Variants in YTHDF1 observed in about 807,000 individuals in gnomAD.
YTHDF1 encodes YTH domain-containing family protein 1.
A neutral mutation model predicts 49.1 loss-of-function variants in YTHDF1; 16 were observed. The observed-to-expected ratio is 0.33, with a 90% CI of 0.22 to 0.49. YTHDF1 has a LOEUF of 0.49. Among genes scored for constraint, YTHDF1 ranks in the 20% least tolerant of loss-of-function variants. The pLI, the probability that YTHDF1 is intolerant of heterozygous loss-of-function variation, is 0.99. For synonymous variants in YTHDF1, 313 were observed against 290.1 expected, an observed-to-expected ratio of 1.08 and a Z score of -0.80; for missense variants, 621 against 744.3, an observed-to-expected ratio of 0.83 and a Z score of 1.93.
Position 63,203,442 on chromosome 20 carries a change from C to G in YTHDF1, c.498G>C (p.Gln166His). The change falls in exon 4 of 5, where the codon CAG (glutamine) becomes CAC (histidine). Residue 166 changes from glutamine (Q) to histidine (H), a missense_variant. This residue lies in a region of YTHDF1 where 470 missense variants were observed against 495.8 expected (regional missense o/e 0.95). Coordinates refer to ENST00000370339, the MANE Select transcript of YTHDF1 (RefSeq NM_017798.4). The surrounding 1 kb of genome is among the most constrained non-coding windows in gnomAD (Gnocchi z 4.4). ...SSLGGTVVDG[Q>H]PGFHSDTLSK... ...TGAGGGTGTCGCTGTGAAAGCCTGGCTGCCCATCAACCACCGTGCCACCCA... is the reference window on the plus strand; with the variant it reads ...TGAGGGTGTCGCTGTGAAAGCCTGGGTGCCCATCAACCACCGTGCCACCCA... 2 of 1,612,638 alleles carry G rather than the reference C, an allele frequency of 1.2e-6. No individual in the cohort carries two copies. The highest frequency in any genetic ancestry group is 1.7e-6 in the Non-Finnish European group (2 of 1,179,492).
intron 4 of YTHDF1, among the ~76,000 whole-genome samples, chr20:63,197,976 G>A (rs920843863): frequency 3.3e-5 from 5 of 152,118 alleles, no homozygotes; most frequent in African/African-American, 1.2e-4. Flanking sequence ...AAGCAGATGT[G>A]GTGTTCCCTG....
intron 2 of YTHDF1, among the ~76,000 whole-genome samples, chr20:63,214,938 T>C (rs1392674924): frequency 2.0e-5 from 3 of 152,210 alleles, no homozygotes; most frequent in Admixed American, 6.5e-5. Flanking sequence ...TTTACACCAC[T>C]TACCTTCCCA....
At chr20:63,215,644 G>T in intron 1 of YTHDF1, 43 bp from the exon 2 acceptor site, 1 of 1,581,614 alleles carries the variant, frequency 6.3e-7, no homozygotes, top group South Asian at 1.1e-5. Context: ...CACAACCCGG[G>T]GGAAGAGGGA....
In YTHDF1 at chr20:63,203,486, T is replaced by C; in HGVS notation, c.454A>G (p.Thr152Ala). Residue 152 changes from threonine (T) to alanine (A), a missense_variant, in exon 4 of 5, where the codon ACC (threonine) becomes GCC (alanine). Physicochemically the swap from Thr to Ala is moderately conservative, Grantham distance 58 (BLOSUM62 0). Coordinates refer to ENST00000370339, the MANE Select transcript of YTHDF1 (RefSeq NM_017798.4). The surrounding 1 kb of genome is among the most constrained non-coding windows in gnomAD (Gnocchi z 4.4). ...TQSSAYGSSY[T>A]YPPSSLGGTV... is the part of the protein sequence containing the mutation. ...CCACCCAGGGAGCTCGGGGGGTAGG[T>C]GTAGCTGCTCCCATACGCGGAGCTC... is the stretch of plus-strand genomic sequence containing the variant. 1.2e-6 allele frequency: 2 copies of C among 1,613,534 alleles called. No individual in the cohort carries two copies. The highest frequency in any genetic ancestry group is 1.7e-6 in the Non-Finnish European group (2 of 1,179,962).
At position 63,196,131 on chromosome 20, in the gene YTHDF1, A is replaced by G. The variant is rs1468974760; in HGVS notation, c.*577T>C. On this transcript the variant is annotated 3_prime_UTR_variant, in exon 5 of 5. Coordinates refer to ENST00000370339, the MANE Select transcript of YTHDF1 (RefSeq NM_017798.4). The stretch of plus-strand genomic sequence containing the variant: ...GATCTGGAAGGAAAGATTTTCAAAA[A>G]AAAAAAAAAAGTGTCTGCCAAATTT... The G allele has an allele frequency of 1.4e-4, 21 of 152,224 alleles. 1 individual carries two copies. Among genetic ancestry groups the G allele is most frequent in the Admixed American group, 1.4e-3 (21 of 15,280 alleles). 9.4% of individuals were successfully genotyped at this position (152,224 alleles called of 1,614,324 possible).
chr20:63,198,437 T>C (rs978425568), intron 4 of YTHDF1, among the ~76,000 whole-genome samples: 10 of 151,938 alleles, frequency 6.6e-5, no homozygotes, highest in African/African-American at 2.2e-4. Context: ...ACAGCGAAAC[T>C]CTCAATCAAT....
Position 63,216,021 on chromosome 20 carries a change from G to T in YTHDF1, c.-129C>A. 1 of 830,840 alleles carries T rather than the reference G, an allele frequency of 1.2e-6. No individual in the cohort carries two copies. Among genetic ancestry groups the T allele is most frequent in the Non-Finnish European group, 1.5e-6 (1 of 686,534 alleles). The allele number at this position is 830,840 out of a possible 1,614,324, so 51.5% of individuals were successfully genotyped here. On this transcript the variant is annotated 5_prime_UTR_variant, in exon 1 of 5. Transcript: ENST00000370339. ...CAATTCCCCGGGCGCCGGCCGGGCG[G>T]CGGCGGCGGCTGCTGGGCGCGCGGG...
At chr20:63,213,455 C>A (rs1054084022) in intron 3 of YTHDF1, among the ~76,000 whole-genome samples, 1 of 152,156 alleles carries the variant, frequency 6.6e-6, no homozygotes, top group African/African-American at 2.4e-5. Context: ...GAAACCCAGG[C>A]GGCCTCTGGC....
chr20:63,211,960 T>TACACACAC (rs57357558), intron 3 of YTHDF1, among the ~76,000 whole-genome samples: 3 of 143,726 alleles, frequency 2.1e-5, no homozygotes, highest in South Asian at 4.6e-4. Context: ...GTCTCCAAAA[T>TACACACAC]ACACACACAC....
intron 3 of YTHDF1, among the ~76,000 whole-genome samples, chr20:63,213,069 T>C (rs1348882526): frequency 6.6e-6 from 1 of 152,184 alleles, no homozygotes; most frequent in East Asian, 1.9e-4. Context: ...ACTCTCTCTC[T>C]TCTACAGAAA....
rs1015365457 is a variant in YTHDF1 at position 63,196,479 on chromosome 20, G to A, written c.*229C>T. On this transcript the variant is annotated 3_prime_UTR_variant, in exon 5 of 5. Transcript: ENST00000370339. ...CATTTCACATTAGATCAGTCTGATT[G>A]ATAAGCTGACAAAAAAAATACTCCT... The A allele has an allele frequency of 6.7e-6, 3 of 448,710 alleles. No individual in the cohort carries two copies. The highest frequency in any genetic ancestry group is 5.8e-4 in the Middle Eastern group (1 of 1,728). 27.8% of individuals were successfully genotyped at this position (448,710 alleles called of 1,614,324 possible).
intron 3 of YTHDF1, among the ~76,000 whole-genome samples, chr20:63,209,813 C>T (rs532441113): frequency 6.6e-6 from 1 of 152,294 alleles, no homozygotes; most frequent in African/African-American, 2.4e-5. Context: ...ACATCTTGCC[C>T]CACTGGAAGG....
chr20:63,215,955 G>C lies in YTHDF1; in HGVS notation c.-63C>G. 8.1e-7 allele frequency: 1 copy of C among 1,233,934 alleles called. No homozygotes were observed. The highest frequency in any genetic ancestry group is 1.0e-6 in the Non-Finnish European group (1 of 983,312). The allele number at this position is 1,233,934 out of a possible 1,614,324, so 76.4% of individuals were successfully genotyped here. On this transcript the variant is annotated 5_prime_UTR_variant, in exon 1 of 5. Coordinates refer to ENST00000370339, the MANE Select transcript of YTHDF1 (RefSeq NM_017798.4). ...CCGGCTCGGGCCTCCCCTAGAGGCC[G>C]GGCCTGTCACCCTAGCTCGCGCGGC...
At chr20:63,212,430 TTAAAG>T (rs1434482899) in intron 3 of YTHDF1, among the ~76,000 whole-genome samples, 2 of 152,196 alleles carry the variant, frequency 1.3e-5, no homozygotes, top group African/African-American at 4.8e-5. Context: ...TGGTTTTACT[TTAAAG>T]TAAACATGCC....
chr20:63,204,942 G>A (rs944190385), intron 3 of YTHDF1, among the ~76,000 whole-genome samples: 69 of 151,948 alleles, frequency 4.5e-4, no homozygotes, highest in African/African-American at 1.7e-3. Context: ...CCGGTGAGAC[G>A]GGGTCCAGTG....
At chr20:63,215,670 A>C in intron 1 of YTHDF1, 69 bp from the exon 2 acceptor site, 3 of 1,533,390 alleles carry the variant, frequency 2.0e-6, no homozygotes, top group Admixed American at 2.0e-5. Context: ...AAAGTTATTC[A>C]CCAGAGAACT....
intron 3 of YTHDF1, among the ~76,000 whole-genome samples, chr20:63,206,828 T>C (rs899513346): frequency 6.6e-6 from 1 of 151,286 alleles, no homozygotes; most frequent in Non-Finnish European, 1.5e-5. Flanking sequence ...TCAGTCATTC[T>C]GTACATAAGA....
intron 3 of YTHDF1, among the ~76,000 whole-genome samples, chr20:63,206,854 G>T (rs1190013943): frequency 6.6e-6 from 1 of 151,122 alleles, no homozygotes; most frequent in East Asian, 1.9e-4. Flanking sequence ...TGGAGATGCT[G>T]TCCTCTGCCT....
chr20:63,214,030 C>T, intron 2 of YTHDF1, 87 bp from the exon 3 acceptor site: 1 of 1,488,622 alleles, frequency 6.7e-7, no homozygotes, highest in Non-Finnish European at 9.0e-7. Context: ...AGTCTATTTC[C>T]ATCTATTTCT....
Sources: allele counts gnomAD v4.1 joint callset (sites outside exome capture counted in the v4.1 genomes callset), GRCh38; gene constraint gnomAD v4.1.1; regional missense constraint gnomAD v4.1.1; non-coding constraint Gnocchi (gnomAD v3.1); transcripts MANE v1.5; gene names NCBI Gene and HGNC (gene_info 2026-07-23, HGNC 2026-07-21).